ENOX1: variants seen among roughly 807,000 people sequenced by gnomAD.
ENOX1 encodes ecto-NOX disulfide-thiol exchanger 1, also known as candidate growth-related and time keeping constitutive hydroquinone (NADH) oxidase.
Under a neutral mutation model 82.5 loss-of-function variants are expected in ENOX1, and 42 were observed. The ratio of observed to expected loss-of-function variants is 0.51; its 90% confidence interval spans 0.40 to 0.66. ENOX1 has a LOEUF of 0.66. Among genes scored for constraint, ENOX1 ranks in the 30% least tolerant of loss-of-function variants. The pLI is 0.00. For missense variants in ENOX1, 608 were observed against 811.6 expected (o/e 0.75, Z 3.05); for synonymous variants, 271 against 282.2 (o/e 0.96, Z 0.40).
At chr13:43,267,337 G>A (rs2044439321) in intron 13 of ENOX1, among the ~76,000 whole-genome samples, 1 of 152,216 alleles carries the variant, frequency 6.6e-6, no homozygotes, top group Non-Finnish European at 1.5e-5. Flanking sequence ...GGGGCCTGGA[G>A]GGACCTAGAA....
intron 1 of ENOX1, among the ~76,000 whole-genome samples, chr13:43,767,716 C>T (rs1004955943): frequency 6.6e-6 from 1 of 152,246 alleles, no homozygotes; most frequent in African/African-American, 2.4e-5. Flanking sequence ...GTCTGTCATA[C>T]ACAGCTGGGC....
chr13:43,759,444 C>A (rs2153834820), intron 1 of ENOX1, among the ~76,000 whole-genome samples: 2 of 152,192 alleles, frequency 1.3e-5, no homozygotes, highest in Middle Eastern at 6.8e-3. Flanking sequence ...AAACATATAT[C>A]CAAAGAGTCA....
At chr13:43,248,375 GA>G (rs112612489) in intron 14 of ENOX1, among the ~76,000 whole-genome samples, 6 of 151,924 alleles carry the variant, frequency 3.9e-5, no homozygotes, top group African/African-American at 1.2e-4. Flanking sequence ...GGTGGATAGT[GA>G]AAAAAACTAT....
At chr13:43,573,326 A>C (rs1268688187) in intron 2 of ENOX1, among the ~76,000 whole-genome samples, 8 of 152,284 alleles carry the variant, frequency 5.3e-5, no homozygotes, top group African/African-American at 1.9e-4. Context: ...AAGGCACTGA[A>C]AAATTAGAAC....
At chr13:43,362,703 C>T (rs188843841) in intron 5 of ENOX1, among the ~76,000 whole-genome samples, 1 of 152,178 alleles carries the variant, frequency 6.6e-6, no homozygotes, top group South Asian at 2.1e-4. Flanking sequence ...TACTAAGAAG[C>T]TCCAGAGAAT....
intron 3 of ENOX1, among the ~76,000 whole-genome samples, chr13:43,418,215 T>C (rs920743122): frequency 6.7e-6 from 1 of 149,788 alleles, no homozygotes; most frequent in African/African-American, 2.5e-5. Flanking sequence ...TCTAAAAAAG[T>C]AAATACATAA....
chr13:43,590,410 CCAT>C (rs2081191334), intron 2 of ENOX1, among the ~76,000 whole-genome samples: 1 of 152,012 alleles, frequency 6.6e-6, no homozygotes, highest in South Asian at 2.1e-4. Context: ...TCCAAAGACA[CCAT>C]AAAGAAAATG....
chr13:43,227,793 C>A (rs1003345369), intron 15 of ENOX1, among the ~76,000 whole-genome samples: 6 of 152,064 alleles, frequency 3.9e-5, no homozygotes, highest in Admixed American at 1.3e-4. Context: ...TCAGCAATTG[C>A]CACTAGATAT....
At chr13:43,396,101 C>T (rs150660953) in intron 5 of ENOX1, among the ~76,000 whole-genome samples, 10 of 152,304 alleles carry the variant, frequency 6.6e-5, no homozygotes, top group Non-Finnish European at 1.2e-4. Flanking sequence ...ACCATCTAAT[C>T]GCTAGCATCT....
At chr13:43,261,676 C>T (rs78245715) in intron 14 of ENOX1, among the ~76,000 whole-genome samples, 1 of 150,910 alleles carries the variant, frequency 6.6e-6, no homozygotes, top group African/African-American at 2.4e-5. Flanking sequence ...ATGATGAGTT[C>T]ATGTCCTTTG....
chr13:43,614,929 CA>C (rs1356413997), intron 2 of ENOX1, among the ~76,000 whole-genome samples: 2 of 152,110 alleles, frequency 1.3e-5, no homozygotes, highest in Non-Finnish European at 2.9e-5. Context: ...TGAATCAGAA[CA>C]TGCATTTTAA....
At chr13:43,771,262 G>A (rs1220373750) in intron 1 of ENOX1, among the ~76,000 whole-genome samples, 1 of 152,132 alleles carries the variant, frequency 6.6e-6, no homozygotes, top group African/African-American at 2.4e-5. Flanking sequence ...CCACGTAAAA[G>A]CTGCAAAGGG....
intron 5 of ENOX1, among the ~76,000 whole-genome samples, chr13:43,373,069 C>T (rs2153568985): frequency 6.6e-6 from 1 of 152,218 alleles, no homozygotes; most frequent in Admixed American, 6.5e-5. Flanking sequence ...ACACATATTA[C>T]TATCACTTTG....
At chr13:43,214,868 G>A (rs1376757242) in intron 16 of ENOX1, among the ~76,000 whole-genome samples, 1 of 152,262 alleles carries the variant, frequency 6.6e-6, no homozygotes, top group Middle Eastern at 3.4e-3. Context: ...ATACAGCAGG[G>A]CGGCCAATTT....
rs555123926 is a variant in ENOX1, at chr13:43,757,758, T to C, written c.-285+28894A>G. 1.2e-4 allele frequency among the ~76,000 whole-genome samples: 18 copies of C among 152,292 alleles called. No individual in the cohort carries two copies. In the East Asian group the frequency reaches 3.5e-3, roughly 29 times the overall value. On this transcript the variant is annotated intron_variant, in intron 1 of 16. Coordinates refer to ENST00000690772, the MANE Select transcript of ENOX1 (RefSeq NM_001347969.2). ...TGCGGAAAGCATTTTAAAAGTTTCT[T>C]ATAACACTAAACACGCAATTACCTA... is the stretch of plus-strand genomic sequence containing the variant.
intron 5 of ENOX1, among the ~76,000 whole-genome samples, chr13:43,402,650 T>C (rs546820861): frequency 6.6e-6 from 1 of 152,186 alleles, no homozygotes; most frequent in East Asian, 1.9e-4. Context: ...TAAAAGGAAA[T>C]AAAAGCAAAC....
At chr13:43,303,918 CA>C (rs2046722934) in intron 11 of ENOX1, among the ~76,000 whole-genome samples, 1 of 152,234 alleles carries the variant, frequency 6.6e-6, no homozygotes, top group African/African-American at 2.4e-5. Context: ...AGCCACTGCT[CA>C]GACCGCTGCT....
chr13:43,635,455 A>C (rs2083378263), intron 2 of ENOX1, among the ~76,000 whole-genome samples: 1 of 152,230 alleles, frequency 6.6e-6, no homozygotes, highest in African/African-American at 2.4e-5. Flanking sequence ...TTTCCTATGA[A>C]GAAACTAAGG....
At chr13:43,462,894 T>A (rs1226465818) in intron 3 of ENOX1, among the ~76,000 whole-genome samples, 3 of 146,988 alleles carry the variant, frequency 2.0e-5, no homozygotes, top group Non-Finnish European at 4.5e-5. Context: ...TAAAAAAAAA[T>A]TTGTTAATGA....
Sources: allele counts gnomAD v4.1 joint callset (sites outside exome capture counted in the v4.1 genomes callset), GRCh38; gene constraint gnomAD v4.1.1; transcripts MANE v1.5; gene names NCBI Gene and HGNC (gene_info 2026-07-23, HGNC 2026-07-21).